The following MAPKAPK2 variants were observed in gnomAD, a reference collection of about 807,000 sequenced individuals.
The protein encoded by MAPKAPK2 is MAPK activated protein kinase 2, also known as MAP kinase-activated protein kinase 2.
MAPKAPK2 carries 9 observed loss-of-function variants against 48.8 expected under a neutral mutation model. That is an observed-to-expected ratio of 0.18 (90% CI 0.11 to 0.32). The LOEUF (loss-of-function observed/expected upper bound fraction) is 0.32, where lower values mean the gene tolerates loss of function less well. MAPKAPK2 is among the 10% of genes least tolerant of loss of function. The pLI is 1.00. For missense variants in MAPKAPK2, 331 were observed against 498.3 expected (o/e 0.66, Z 3.20); for synonymous variants, 202 against 190.6 (o/e 1.06, Z -0.49).
intron 1 of MAPKAPK2, chr1:206,696,194 T>C: frequency 6.5e-7 from 1 of 1,528,550 alleles, no homozygotes; most frequent in Non-Finnish European, 9.1e-7. Flanking sequence ...CCAAATACAT[T>C]CTCTCCTTCA....
intron 1 of MAPKAPK2, among the ~76,000 whole-genome samples, chr1:206,702,434 C>A (rs1672825790): frequency 6.6e-6 from 1 of 152,164 alleles, no homozygotes; most frequent in African/African-American, 2.4e-5. Context: ...AATTGTCAGG[C>A]CTTGCTGAGA....
At chr1:206,707,911 G>T (rs943460739) in intron 1 of MAPKAPK2, among the ~76,000 whole-genome samples, 2 of 152,174 alleles carry the variant, frequency 1.3e-5, no homozygotes, top group Non-Finnish European at 2.9e-5. Context: ...AGCTGTAATT[G>T]TGTCTCTACA....
intron 1 of MAPKAPK2, among the ~76,000 whole-genome samples, chr1:206,687,593 C>T (rs1478882825): frequency 6.6e-6 from 1 of 152,212 alleles, no homozygotes; most frequent in Admixed American, 6.5e-5. Flanking sequence ...GTTAACAGCA[C>T]TTCCATATCC....
chr1:206,692,886 T>G (rs138487169), intron 1 of MAPKAPK2, among the ~76,000 whole-genome samples: 113 of 152,280 alleles, frequency 7.4e-4, no homozygotes, highest in African/African-American at 2.7e-3. Flanking sequence ...GATGGGAGCC[T>G]TTTCTGTTTC....
intron 1 of MAPKAPK2, 124 bp from the exon 2 acceptor site, chr1:206,728,586 G>C (rs1392920154): frequency 9.4e-7 from 1 of 1,060,690 alleles, no homozygotes; most frequent in African/African-American, 1.6e-5. Flanking sequence ...GGGGGCTGGT[G>C]GGGGGGGCCA....
intron 6 of MAPKAPK2, 103 bp downstream of exon 6, chr1:206,730,866 A>G (rs1229715297): frequency 1.6e-6 from 2 of 1,284,412 alleles, no homozygotes; most frequent in African/African-American, 1.5e-5. Context: ...CCCTTTGTAC[A>G]GGGGAGTCCC....
intron 1 of MAPKAPK2, among the ~76,000 whole-genome samples, chr1:206,706,031 G>A (rs1235428638): frequency 6.6e-6 from 1 of 152,212 alleles, no homozygotes; most frequent in Non-Finnish European, 1.5e-5. Context: ...GAGTAAATGG[G>A]AGTGTGGGGT....
At position 206,723,071 on chromosome 1, in the gene MAPKAPK2, C is replaced by T. The variant is rs574086571; in HGVS notation, c.280-5639C>T. Among the ~76,000 whole-genome samples, 13 of 152,332 alleles carry T rather than the reference C, an allele frequency of 8.5e-5. No individual in the cohort carries two copies. The South Asian group carries it at 2.7e-3, about 32-fold the overall frequency. ...AATCAGCCTTTTGCATCGCTCTTGG[C>T]GCTGAATCAGAGTCTGTCTTGGGGA... On this transcript the variant is annotated intron_variant, in intron 1 of 9. Transcript: ENST00000367103.
At chr1:206,705,700 C>T (rs1296379377) in intron 1 of MAPKAPK2, among the ~76,000 whole-genome samples, 35 of 152,186 alleles carry the variant, frequency 2.3e-4, no homozygotes, top group African/African-American at 8.2e-4. Context: ...CTCCGTTACC[C>T]AGGGAGCTGA....
intron 2 of MAPKAPK2, 25 bp downstream of exon 2, chr1:206,728,874 G>A (rs141820297): frequency 9.9e-6 from 16 of 1,612,820 alleles, no homozygotes; most frequent in African/African-American, 2.7e-5. Context: ...TTCTAGTCCC[G>A]GCCCAGCCTG....
At chr1:206,695,772 CT>C (rs1553426935) in intron 1 of MAPKAPK2, 777 of 52,002 alleles carry the variant, frequency 0.015, no homozygotes, top group East Asian at 0.13. Context: ...CTCTCTCTCT[CT>C]TTTTTTTTTT....
intron 5 of MAPKAPK2, 64 bp downstream of exon 5, chr1:206,730,162 G>T (rs782429534): frequency 3.0e-4 from 476 of 1,598,176 alleles, no homozygotes; most frequent in Non-Finnish European, 3.7e-4. Flanking sequence ...CCCTCCTCTT[G>T]GCTATCTGGG....
chr1:206,693,700 AG>A (rs1315875594), intron 1 of MAPKAPK2, among the ~76,000 whole-genome samples: 4 of 152,226 alleles, frequency 2.6e-5, no homozygotes, highest in Admixed American at 1.3e-4. Flanking sequence ...AGTCTGCCCC[AG>A]GCCTTCAACC....
At chr1:206,700,785 C>T (rs1672771274) in intron 1 of MAPKAPK2, among the ~76,000 whole-genome samples, 1 of 152,166 alleles carries the variant, frequency 6.6e-6, no homozygotes, top group South Asian at 2.1e-4. Context: ...GCCAAAAGTT[C>T]CAGTACAAAC....
chr1:206,729,799 C>T (rs1228433418), intron 4 of MAPKAPK2, among the ~76,000 whole-genome samples, 173 bp from the exon 5 acceptor site: 2 of 152,234 alleles, frequency 1.3e-5, no homozygotes, highest in African/African-American at 4.8e-5. Flanking sequence ...GGAAACCCTG[C>T]AGAGGCAGGC....
rs1420141399 is a variant in MAPKAPK2, at chr1:206,686,595, A to G, written c.279+1087A>G. On this transcript the variant is annotated intron_variant, in intron 1 of 9. Transcript: ENST00000367103. Reference sequence around the variant, plus strand: ...TCCCCTGGGGTGTCTCAATGATTGGAGGAGGAGAAAAATACTTCCTGTGTT... The same window carrying G: ...TCCCCTGGGGTGTCTCAATGATTGGGGGAGGAGAAAAATACTTCCTGTGTT... Among the ~76,000 whole-genome samples, 5 of 152,154 alleles carry G rather than the reference A, an allele frequency of 3.3e-5. No homozygotes were observed. In the East Asian group the frequency reaches 9.6e-4, roughly 29 times the overall value.
intron 5 of MAPKAPK2, 122 bp downstream of exon 5, chr1:206,730,220 C>T: frequency 8.4e-7 from 1 of 1,192,714 alleles, no homozygotes. Flanking sequence ...CCTTCTGGTG[C>T]TGGTTCTGCT....
At position 206,732,426 on chromosome 1, in the gene MAPKAPK2, A is replaced by G; in HGVS notation, c.1060-149A>G. ...GAGGCTGCCGTTGTCAGCGTGGACC[A>G]CTAACCAGCCCGTCTTCTCTCTCTG... On this transcript the variant is annotated intron_variant, in intron 9 of 9. Transcript: ENST00000367103. This position sits in a 1 kb window ranked among gnomAD's most constrained non-coding sequence, Gnocchi z 4.4. 3 of 1,472,880 alleles carry G rather than the reference A, an allele frequency of 2.0e-6. No individual in the cohort carries two copies. The allele number at this position is 1,472,880 out of a possible 1,614,324, so 91.2% of individuals were successfully genotyped here. A position where few individuals can be genotyped will look rare whatever the true frequency, so the allele number is the denominator to read the frequency against.
At position 206,728,739 on chromosome 1, in the gene MAPKAPK2, G is replaced by A. The variant is rs782623401; in HGVS notation, c.309G>A (p.Arg103=). ...KMLQDCPKAR[R]EVELHWRASQ... is the part of the protein sequence containing the mutation. ...TTCAGGACTGCCCCAAGGCCCGCAG[G>A]GAGGTGGAGCTGCACTGGCGGGCCT... The change falls in exon 2 of 10, where the codon AGG becomes AGA. Residue 103 remains arginine, a synonymous_variant. Coordinates refer to ENST00000367103, the MANE Select transcript of MAPKAPK2 (RefSeq NM_032960.4). 2 of 1,614,064 alleles carry A rather than the reference G, an allele frequency of 1.2e-6. No homozygotes were observed. The highest frequency in any genetic ancestry group is 1.7e-6 in the Non-Finnish European group (2 of 1,180,042).
Sources: allele counts gnomAD v4.1 joint callset (sites outside exome capture counted in the v4.1 genomes callset), GRCh38; gene constraint gnomAD v4.1.1; non-coding constraint Gnocchi (gnomAD v3.1); transcripts MANE v1.5; gene names NCBI Gene and HGNC (gene_info 2026-07-23, HGNC 2026-07-21).